Variants in EVA1C observed in about 807,000 individuals in gnomAD.
EVA1C encodes protein eva-1 homolog C.
EVA1C carries 25 observed loss-of-function variants against 45.4 expected under a neutral mutation model. The observed-to-expected ratio is 0.55, with a 90% confidence interval of 0.40 to 0.77. The LOEUF (loss-of-function observed/expected upper bound fraction) is 0.77, where lower values mean the gene tolerates loss of function less well. Ranked by LOEUF, EVA1C falls within the 30% of genes least tolerant of loss-of-function variation. The pLI is 0.00. For synonymous variants in EVA1C, 190 were observed against 221.2 expected (o/e 0.86, Z 1.25); for missense variants, 479 against 554.8 (o/e 0.86, Z 1.37).
intron 6 of EVA1C, among the ~76,000 whole-genome samples, chr21:32,502,068 TTC>T: frequency 6.8e-6 from 1 of 148,016 alleles, no homozygotes. Flanking sequence ...TCTTTCTTTC[TTC>T]TGTCTTTCTT....
intron 3 of EVA1C, among the ~76,000 whole-genome samples, chr21:32,465,988 T>C (rs1268254211): frequency 2.6e-5 from 4 of 152,230 alleles, no homozygotes; most frequent in Non-Finnish European, 5.9e-5. Context: ...TGTCACTCTG[T>C]GACCTCACCT....
chr21:32,436,135 C>T (rs1481002232), intron 1 of EVA1C, among the ~76,000 whole-genome samples: 1 of 150,728 alleles, frequency 6.6e-6, no homozygotes, highest in Non-Finnish European at 1.5e-5. Flanking sequence ...GAGATCTCGG[C>T]TCACTGCAAC....
chr21:32,462,688 C>T (rs1032598485), intron 3 of EVA1C, among the ~76,000 whole-genome samples: 1 of 152,214 alleles, frequency 6.6e-6, no homozygotes, highest in African/African-American at 2.4e-5. Context: ...GGGCAAGGAA[C>T]ACCTGGCCCA....
chr21:32,502,202 G>T (rs377147092), intron 6 of EVA1C, among the ~76,000 whole-genome samples: 1 of 151,740 alleles, frequency 6.6e-6, no homozygotes, highest in Admixed American at 6.6e-5. Context: ...GGGTTCAAGC[G>T]ATTCTCCTGC....
At chr21:32,508,683 A>G (rs531288584) in intron 7 of EVA1C, among the ~76,000 whole-genome samples, 2 of 151,930 alleles carry the variant, frequency 1.3e-5, no homozygotes, top group Non-Finnish European at 2.9e-5. Flanking sequence ...CTTCTGGACA[A>G]CTCTCGGGCC....
chr21:32,461,190 G>A (rs113075811), intron 3 of EVA1C, among the ~76,000 whole-genome samples: 5 of 152,238 alleles, frequency 3.3e-5, no homozygotes, highest in African/African-American at 1.2e-4. Context: ...GTGCATTGGC[G>A]CAGCCAGCCA....
At chr21:32,485,575 C>T (rs1378569232) in intron 4 of EVA1C, among the ~76,000 whole-genome samples, 1 of 152,258 alleles carries the variant, frequency 6.6e-6, no homozygotes, top group East Asian at 1.9e-4. Flanking sequence ...CCTCATGGGC[C>T]GGCTCCTCAA....
chr21:32,435,825 CATTTGTT>C (rs1182039564), intron 1 of EVA1C, among the ~76,000 whole-genome samples: 3 of 150,946 alleles, frequency 2.0e-5, no homozygotes, highest in African/African-American at 7.3e-5. Context: ...ATGATACTGT[CATTTGTT>C]ATTTAATGTC....
At chr21:32,501,647 C>G in intron 6 of EVA1C, 152 bp downstream of exon 6, 1 of 887,860 alleles carries the variant, frequency 1.1e-6, no homozygotes, top group Non-Finnish European at 1.6e-6. Flanking sequence ...CGCTTATTAT[C>G]GGCCAATAGT....
intron 4 of EVA1C, among the ~76,000 whole-genome samples, chr21:32,479,105 G>A (rs1367076405): frequency 6.6e-6 from 1 of 152,232 alleles, no homozygotes; most frequent in Non-Finnish European, 1.5e-5. Flanking sequence ...ATGTATTGGG[G>A]GTGGAGGGCA....
In EVA1C at chr21:32,426,964, A is replaced by C. The variant is rs991568954; in HGVS notation, c.160+13951A>C. On this transcript the variant is annotated intron_variant, in intron 1 of 7. Transcript: ENST00000300255. ...CCAAGCATTTTAAGAGCTTTGTCCC[A>C]AAAAAAGGTCTATTGTGTGGCTCTT... Among the ~76,000 whole-genome samples, 12 of 152,270 alleles carry C rather than the reference A, an allele frequency of 7.9e-5. 1 individual carries two copies. The highest frequency in any genetic ancestry group is 1.6e-4 in the Non-Finnish European group (11 of 68,004).
Position 32,497,271 on chromosome 21 carries a change from T to C in EVA1C, c.778+2101T>C, listed in dbSNP as rs532449652. On this transcript the variant is annotated intron_variant, in intron 5 of 7. Transcript: ENST00000300255. ...TTAGAAGCTTGTGAACACATGACATTAGATCAAAGAAAACAAATCTCCAGA... is the reference window on the plus strand; with the variant it reads ...TTAGAAGCTTGTGAACACATGACATCAGATCAAAGAAAACAAATCTCCAGA... 1.7e-4 allele frequency: 123 copies of C among 745,216 alleles called. 4 individuals carry two copies. Among genetic ancestry groups the C allele is most frequent in the Non-Finnish European group, 2.8e-4 (117 of 416,964 alleles). The allele number at this position is 745,216 out of a possible 1,614,324, so 46.2% of individuals were successfully genotyped here.
At position 32,441,940 on chromosome 21, in the gene EVA1C, G is replaced by C. The variant is rs1303665385; in HGVS notation, c.161-11372G>C. Among the ~76,000 whole-genome samples, 4 of 152,238 alleles carry C rather than the reference G, an allele frequency of 2.6e-5. No homozygotes were observed. In the East Asian group the frequency reaches 7.7e-4, roughly 29 times the overall value. On this transcript the variant is annotated intron_variant, in intron 1 of 7. Coordinates refer to ENST00000300255, the MANE Select transcript of EVA1C (RefSeq NM_058187.5). ...TCCTTGTCCCCTCTGTTGTCCACTTGTGACAGCAGACGGGGAGAGAGAGGT... is the reference window on the plus strand; with the variant it reads ...TCCTTGTCCCCTCTGTTGTCCACTTCTGACAGCAGACGGGGAGAGAGAGGT...
chr21:32,471,762 C>T (rs113086284), intron 4 of EVA1C, among the ~76,000 whole-genome samples: 7 of 151,756 alleles, frequency 4.6e-5, no homozygotes, highest in Non-Finnish European at 1.0e-4. Flanking sequence ...CCGAGTAACT[C>T]GAACTACAGG....
chr21:32,490,004 A>T (rs2037102662), intron 4 of EVA1C, among the ~76,000 whole-genome samples: 1 of 152,126 alleles, frequency 6.6e-6, no homozygotes, highest in Non-Finnish European at 1.5e-5. Context: ...GGGTTTCACC[A>T]CATTGGCCAG....
At chr21:32,497,095 A>G (rs2037376876) in intron 5 of EVA1C, 1 of 920,252 alleles carries the variant, frequency 1.1e-6, no homozygotes, top group Admixed American at 1.7e-5. Context: ...TTTTAAAGTG[A>G]CTGGGCTTCA....
At chr21:32,477,709 G>C (rs1156864245) in intron 4 of EVA1C, among the ~76,000 whole-genome samples, 10 of 54,066 alleles carry the variant, frequency 1.8e-4, no homozygotes, top group Non-Finnish European at 1.1e-4. Context: ...CACCTCCCCC[G>C]TACGCCCTCA....
chr21:32,415,865 A>T (rs2034018080), intron 1 of EVA1C, among the ~76,000 whole-genome samples: 1 of 152,212 alleles, frequency 6.6e-6, no homozygotes, highest in Non-Finnish European at 1.5e-5. Flanking sequence ...CCTTAATCTC[A>T]TACTCAAATG....
rs1027675784 is a variant in EVA1C at position 32,412,819 on chromosome 21, C to G, written c.-35C>G. 7.3e-6 allele frequency: 10 copies of G among 1,363,128 alleles called. No individual in the cohort carries two copies. The highest frequency in any genetic ancestry group is 3.5e-5 in the South Asian group (2 of 56,660). The allele number at this position is 1,363,128 out of a possible 1,614,324, so 84.4% of individuals were successfully genotyped here. On this transcript the variant is annotated 5_prime_UTR_variant, in exon 1 of 8. Coordinates refer to ENST00000300255, the MANE Select transcript of EVA1C (RefSeq NM_058187.5). ...TAGCCCTGCGACCCCCAGCGCGTCC[C>G]GGGCCTGCGCCTCCGCCCCGCCGCG...
Sources: allele counts gnomAD v4.1 joint callset (sites outside exome capture counted in the v4.1 genomes callset), GRCh38; gene constraint gnomAD v4.1.1; transcripts MANE v1.5; gene names NCBI Gene and HGNC (gene_info 2026-07-23, HGNC 2026-07-21).